The following ITGB7 variants were observed in gnomAD, a reference collection of about 807,000 sequenced individuals.
ITGB7 encodes the protein integrin subunit beta 7, also known as integrin beta-7.
In ITGB7, 55 loss-of-function variants were observed where a neutral mutation model predicts 83.4. The observed-to-expected ratio is 0.66, with a 90% CI of 0.53 to 0.83. The LOEUF is 0.83. Among genes scored for constraint, ITGB7 ranks in the 40% least tolerant of loss-of-function variants. ITGB7 has a pLI of 0.00. For missense variants in ITGB7, 921 were observed against 1,046.7 expected, an observed-to-expected ratio of 0.88 and a Z score of 1.66; for synonymous variants, 454 against 423.6, an observed-to-expected ratio of 1.07 and a Z score of -0.88.
intron 10 of ITGB7, 34 bp downstream of exon 10, chr12:53,194,163 CT>C (rs1565700898): frequency 6.2e-7 from 1 of 1,612,846 alleles, no homozygotes; most frequent in African/African-American, 1.3e-5. Flanking sequence ...CCACCTCCCC[CT>C]GCCCGCCTTC....
intron 3 of ITGB7, 50 bp downstream of exon 3, chr12:53,200,193 A>T (rs776636088): frequency 8.3e-6 from 12 of 1,448,358 alleles, no homozygotes; most frequent in Non-Finnish European, 1.2e-5. Flanking sequence ...ATACATATAC[A>T]CATACACATA....
chr12:53,191,896 C>A lies in ITGB7; in HGVS notation c.2279G>T (p.Arg760Leu). 6 of 1,612,966 alleles carry A rather than the reference C, an allele frequency of 3.7e-6. No individual in the cohort carries two copies. Among genetic ancestry groups the A allele is most frequent in the Non-Finnish European group, 5.1e-6 (6 of 1,180,004 alleles). ...VEIYDRREYSRFEKEQQQLNW... is the reference protein window; with the variant it reads ...VEIYDRREYSLFEKEQQQLNW... The stretch of plus-strand genomic sequence containing the variant: ...GAGTTGTTGCTGCTCCTTCTCAAAG[C>A]GACTGTATTCCCGGCGGTCATAGAT... The change falls in exon 15 of 16, where the codon CGC (arginine) becomes CTC (leucine). Residue 760 changes from arginine (R) to leucine (L), a missense_variant. Physicochemically the swap from Arg to Leu is moderately radical, Grantham distance 102. Coordinates refer to ENST00000267082, the MANE Select transcript of ITGB7 (RefSeq NM_000889.3).
At chr12:53,191,740 A>G (rs750403827) in intron 15 of ITGB7, 104 bp from the exon 16 acceptor site, 54 of 1,517,948 alleles carry the variant, frequency 3.6e-5, no homozygotes, top group Non-Finnish European at 4.7e-5. Flanking sequence ...AGCTGATGGA[A>G]GTTAGCAGAG....
chr12:53,194,114 C>G, intron 10 of ITGB7, 84 bp downstream of exon 10: 1 of 1,577,240 alleles, frequency 6.3e-7, no homozygotes, highest in Non-Finnish European at 8.7e-7. Flanking sequence ...CTCCCTGTAC[C>G]TGCCACCCAT....
At position 53,197,485 on chromosome 12, in the gene ITGB7, C is replaced by A. The variant is rs150188813; in HGVS notation, c.574+8G>T. ...GGCTAACAGGGCGGGAGGCAGCGCT[C>A]GGCTCACCAATGCGCACAGAATGGG... On this transcript the variant is annotated splice_region_variant and intron_variant, in intron 5 of 15. Transcript: ENST00000267082. 389 of 1,614,004 alleles carry A rather than the reference C, an allele frequency of 2.4e-4. No individual in the cohort carries two copies. The African/African-American group carries it at 4.3e-3, about 18-fold the overall frequency.
Position 53,194,240 on chromosome 12 carries a change from A to G in ITGB7, c.1266T>C (p.Ala422=), listed in dbSNP as rs767095135. The change falls in exon 10 of 16, where the codon GCT becomes GCC. Residue 422 remains alanine (A), a synonymous_variant. Coordinates refer to ENST00000267082, the MANE Select transcript of ITGB7 (RefSeq NM_000889.3). ...CGTGGTTGCACTGTCCTCGATCCTC[A>G]GCCTTACCCTCCCTCTTCTCAGGAC... ...CEGPEKREGK[A]EDRGQCNHVR... 6.2e-7 allele frequency: 1 copy of G among 1,613,868 alleles called. No homozygotes were observed.
chr12:53,198,168 C>T (rs1178394539), intron 3 of ITGB7, among the ~76,000 whole-genome samples: 1 of 152,182 alleles, frequency 6.6e-6, no homozygotes, highest in East Asian at 1.9e-4. Context: ...CTCACTCTGT[C>T]ACCCAGGCTG....
chr12:53,194,565 C>T, intron 9 of ITGB7: 1 of 489,504 alleles, frequency 2.0e-6, no homozygotes. Flanking sequence ...CATTTCAGTG[C>T]AGCTGCCAGC....
intron 6 of ITGB7, 149 bp from the exon 7 acceptor site, chr12:53,196,348 C>T: frequency 9.7e-7 from 1 of 1,034,808 alleles, no homozygotes; most frequent in Non-Finnish European, 1.4e-6. Flanking sequence ...TCCCTGCTCT[C>T]TCCAGCCCCC....
rs1359442728 is a variant in ITGB7, at chr12:53,198,000, G to C, written c.202-49C>G. 3 of 1,472,310 alleles carry C rather than the reference G, an allele frequency of 2.0e-6. No individual in the cohort carries two copies. In the African/African-American group the frequency reaches 4.3e-5, roughly 21 times the overall value. The allele number at this position is 1,472,310 out of a possible 1,614,324, so 91.2% of individuals were successfully genotyped here. A position where few individuals can be genotyped will look rare whatever the true frequency, so the allele number is the denominator to read the frequency against. ...CGGGACCCGGTCCTGCATAGGCCCT[G>C]GGCCCCGCTCCCAAAAACACCCTGC... On this transcript the variant is annotated intron_variant, in intron 3 of 15. Transcript: ENST00000267082.
At chr12:53,192,050 G>T in intron 14 of ITGB7, 31 bp from the exon 15 acceptor site, 1 of 1,604,410 alleles carries the variant, frequency 6.2e-7, no homozygotes. Flanking sequence ...ACACTTGTGG[G>T]AGCTGGAGCA....
In ITGB7 at chr12:53,191,571, G is replaced by A; in HGVS notation, c.2382C>T (p.Asp794=). The A allele has an allele frequency of 6.2e-7, 1 of 1,612,196 alleles. No individual in the cohort carries two copies. The highest frequency in any genetic ancestry group is 1.1e-5 in the South Asian group (1 of 91,048). ...TTINPRFQEA[D]SPTL is the part of the protein sequence containing the mutation. ...CCTCCCTCCTTCAGAGAGTGGGACT[G>A]TCTGCCTCTTGAAAGCGAGGATTGA... The change falls in exon 16 of 16, where the codon GAC becomes GAT. Residue 794 remains aspartate (D), a synonymous_variant. Coordinates refer to ENST00000267082, the MANE Select transcript of ITGB7 (RefSeq NM_000889.3).
chr12:53,195,596 T>A (rs756264498), intron 8 of ITGB7, 30 bp downstream of exon 8: 3 of 1,585,648 alleles, frequency 1.9e-6, no homozygotes, highest in Non-Finnish European at 2.6e-6. Flanking sequence ...GGGATGGGGC[T>A]GGGGGATCTG....
chr12:53,204,606 A>G (rs1942391928), intron 1 of ITGB7, among the ~76,000 whole-genome samples: 1 of 152,104 alleles, frequency 6.6e-6, no homozygotes, highest in Non-Finnish European at 1.5e-5. Context: ...GGGCAGTTTC[A>G]TTTTAGGGTG....
At chr12:53,197,026 C>G (rs1370305045) in intron 5 of ITGB7, 1 of 606,490 alleles carries the variant, frequency 1.6e-6, no homozygotes. Flanking sequence ...GAGGAGGACA[C>G]AACTTCCTGG....
At chr12:53,192,613 C>T (rs1235375545) in intron 13 of ITGB7, 75 bp from the exon 14 acceptor site, 20 of 1,597,382 alleles carry the variant, frequency 1.3e-5, no homozygotes, top group East Asian at 6.7e-5. Context: ...ACAAGCAGGA[C>T]GGAGAGTAGG....
Position 53,191,732 on chromosome 12 carries a change from C to G in ITGB7, c.2317-96G>C, listed in dbSNP as rs768565917. On this transcript the variant is annotated intron_variant, in intron 15 of 15. Transcript: ENST00000267082. ...CCAGCCTTGAGCCGAATCCTAGGAG[C>G]TGATGGAAGTTAGCAGAGGGGTTGG... 10 of 1,517,056 alleles carry G rather than the reference C, an allele frequency of 6.6e-6. No homozygotes were observed. In the South Asian group the frequency reaches 6.8e-5, roughly 10 times the overall value. 94.0% of individuals were successfully genotyped at this position (1,517,056 alleles called of 1,614,324 possible).
At chr12:53,198,418 C>CT (rs35054224) in intron 3 of ITGB7, among the ~76,000 whole-genome samples, 9,946 of 145,768 alleles carry the variant, frequency 0.068, 415 homozygotes, top group East Asian at 0.16. Context: ...ACCACCACGC[C>CT]TTTTTTTTTT....
rs765384118 is a variant in ITGB7, at chr12:53,197,760, C to CG, written c.392dup (p.Leu132AlafsTer17). On this transcript the variant is annotated frameshift_variant, in exon 4 of 16. Transcript: ENST00000267082. LOFTEE classifies it high-confidence loss of function. ...CCTCCCCTAACTCACCAGGCCGCAG[C>CG]GTGACCCGGACCCGCTGCGGCGCCA... The CG allele has an allele frequency of 6.4e-7, 1 of 1,574,078 alleles. No individual in the cohort carries two copies. The highest frequency in any genetic ancestry group is 1.8e-5 in the Admixed American group (1 of 54,820).
Sources: gnomAD v4.1 joint callset for allele counts (sites outside exome capture counted in the v4.1 genomes callset) on GRCh38, gnomAD v4.1.1 for gene constraint, MANE v1.5 for transcripts, NCBI Gene and HGNC (gene_info 2026-07-23, HGNC 2026-07-21) for gene names.